SYT7: variants seen among roughly 807,000 people sequenced by gnomAD.
SYT7 encodes the protein synaptotagmin-7.
SYT7 carries 29 observed loss-of-function variants against 75.1 expected under a neutral mutation model. That is an observed-to-expected ratio of 0.39 (90% CI 0.29 to 0.53). The LOEUF (loss-of-function observed/expected upper bound fraction) is 0.53, where lower values mean the gene tolerates loss of function less well. SYT7 is among the 20% of genes least tolerant of loss of function. SYT7 has a pLI of 0.77. For missense variants in SYT7, 693 were observed against 953.2 expected, an observed-to-expected ratio of 0.73 and a Z score of 3.59; for synonymous variants, 376 against 401.7, an observed-to-expected ratio of 0.94 and a Z score of 0.76.
Position 61,517,304 on chromosome 11 carries a change from G to A in SYT7, c.*1323C>T, listed in dbSNP as rs1326728736. 1 of 398,546 alleles carries A rather than the reference G, an allele frequency of 2.5e-6. No individual in the cohort carries two copies. The highest frequency in any genetic ancestry group is 4.4e-5 in the Admixed American group (1 of 22,716). The allele number at this position is 398,546 out of a possible 1,614,324, so 24.7% of individuals were successfully genotyped here. On this transcript the variant is annotated 3_prime_UTR_variant, in exon 13 of 13. Coordinates refer to ENST00000539008, the MANE Select transcript of SYT7 (RefSeq NM_001365809.2). ...CAGTGGCCGAGGCAGAGAAACCACAGCTTCTTTGTGTGTGGCAACCTCAGA... is the reference window on the plus strand; with the variant it reads ...CAGTGGCCGAGGCAGAGAAACCACAACTTCTTTGTGTGTGGCAACCTCAGA...
At chr11:61,556,026 A>C in intron 2 of SYT7, 78 bp downstream of exon 2, 1 of 1,282,000 alleles carries the variant, frequency 7.8e-7, no homozygotes, top group Non-Finnish European at 1.1e-6. Flanking sequence ...CCAAGCCTGT[A>C]ATTGTGTGTG....
rs772356482 is a variant in SYT7, at chr11:61,546,072, C to T, written c.531G>A (p.Thr177=). The change falls in exon 5 of 13, where the codon ACG becomes ACA. Residue 177 remains threonine, a synonymous_variant. Transcript: ENST00000539008. The surrounding 1 kb of genome is among the most constrained non-coding windows in gnomAD (Gnocchi z 7.6). ...TCCCTGCGGCCAGGTGGCTCTGCAC[C>T]GTCCGCCAGCGGCCTCTCCCCGCCT... ...GGKAGRGRWR[T]VQSHLAAGKL... 51 of 1,532,670 alleles carry T rather than the reference C, an allele frequency of 3.3e-5. No individual in the cohort carries two copies. The highest frequency in any genetic ancestry group is 3.4e-4 in the Middle Eastern group (2 of 5,968). The allele number at this position is 1,532,670 out of a possible 1,614,324, so 94.9% of individuals were successfully genotyped here. A position where few individuals can be genotyped will look rare whatever the true frequency, so the allele number is the denominator to read the frequency against.
chr11:61,514,585 C>T lies in SYT7; in HGVS notation c.*4042G>A, dbSNP rs1441804962. Among the ~76,000 whole-genome samples, 5 of 152,126 alleles carry T rather than the reference C, an allele frequency of 3.3e-5. No homozygotes were observed. The highest frequency in any genetic ancestry group is 7.4e-5 in the Non-Finnish European group (5 of 68,018). ...TACCCTGAGAGCTGCGGGGGCTCAG[C>T]TTCCCCTGGGCTGGGTGGGGAAGAA... is the stretch of plus-strand genomic sequence containing the variant. On this transcript the variant is annotated 3_prime_UTR_variant, in exon 13 of 13. Transcript: ENST00000539008.
At chr11:61,521,992 C>A (rs752981476) in intron 12 of SYT7, among the ~76,000 whole-genome samples, 2 of 152,082 alleles carry the variant, frequency 1.3e-5, no homozygotes, top group Non-Finnish European at 2.9e-5. Flanking sequence ...GAGGTTACAG[C>A]GTTAAAAAGT....
chr11:61,571,367 C>G (rs1474971776), intron 1 of SYT7, among the ~76,000 whole-genome samples: 1 of 152,248 alleles, frequency 6.6e-6, no homozygotes, highest in African/African-American at 2.4e-5. Context: ...TCACATATGT[C>G]CACAAGCATC....
chr11:61,542,485 G>C lies in SYT7; in HGVS notation c.667C>G (p.Arg223Gly). 6.5e-7 allele frequency: 1 copy of C among 1,532,948 alleles called. No individual in the cohort carries two copies. Among genetic ancestry groups the C allele is most frequent in the Non-Finnish European group, 8.7e-7 (1 of 1,146,026 alleles). 95.0% of individuals were successfully genotyped at this position (1,532,948 alleles called of 1,614,324 possible). Residue 223 changes from arginine to glycine, a missense_variant, in exon 6 of 13, where the codon CGG becomes GGG. Transcript: ENST00000539008. The surrounding 1 kb of genome is among the most constrained non-coding windows in gnomAD (Gnocchi z 7.8). Reference protein sequence around the residue: ...PKCQRPRTLMRQQSLQQPLSQ... With the variant: ...PKCQRPRTLMGQQSLQQPLSQ... The stretch of plus-strand genomic sequence containing the variant: ...AGCGGCTGTTGCAGGCTCTGCTGCC[G>C]CATCAGGGTGCGGGGTCGCTGGCAT...
At position 61,546,216 on chromosome 11, in the gene SYT7, C is replaced by T. The variant is rs370202849; in HGVS notation, c.387G>A (p.Ala129=). ...GGCCTTCCCGCTCCACCGCCAGCCC[C>T]GCCGCGGCGGCCACTTTGGCGCCCG... ...LLSGAKVAAA[A]GLAVEREGRL... The change falls in exon 5 of 13, where the codon GCG becomes GCA. Residue 129 remains alanine (A), a synonymous_variant. Transcript: ENST00000539008. This position sits in a 1 kb window ranked among gnomAD's most constrained non-coding sequence, Gnocchi z 7.6. 2.3e-4 allele frequency: 341 copies of T among 1,474,330 alleles called. 3 individuals carry two copies. The East Asian group carries it at 6.2e-3, about 27-fold the overall frequency. The allele number at this position is 1,474,330 out of a possible 1,614,324, so 91.3% of individuals were successfully genotyped here.
At chr11:61,581,184 C>T (rs1467129104), upstream of SYT7, 1 of 148,472 alleles carries the variant, frequency 6.7e-6, no homozygotes, top group East Asian at 1.9e-4. Context: ...CGCCGAACGC[C>T]GCGGCCACAG....
At chr11:61,569,954 C>T (rs2063877154) in intron 1 of SYT7, among the ~76,000 whole-genome samples, 1 of 152,240 alleles carries the variant, frequency 6.6e-6, no homozygotes, top group South Asian at 2.1e-4. Context: ...GCTCAGGCCC[C>T]AGATGCTCCA....
intron 3 of SYT7, among the ~76,000 whole-genome samples, chr11:61,550,646 C>A (rs1454409527): frequency 3.3e-5 from 5 of 152,072 alleles, no homozygotes; most frequent in African/African-American, 1.2e-4. Flanking sequence ...CAGAGGCCTC[C>A]CCCCCAGCAA....
intron 5 of SYT7, among the ~76,000 whole-genome samples, chr11:61,545,686 G>A (rs1471312517): frequency 2.0e-5 from 3 of 152,222 alleles, no homozygotes; most frequent in African/African-American, 7.2e-5. Context: ...TGCCCATGGA[G>A]GGATGACCTG....
At chr11:61,534,249 C>T (rs2062797048) in intron 7 of SYT7, among the ~76,000 whole-genome samples, 1 of 152,180 alleles carries the variant, frequency 6.6e-6, no homozygotes, top group South Asian at 2.1e-4. Context: ...TGAGCCATGG[C>T]CCTCTGGTAG....
chr11:61,576,451 G>C lies in SYT7; in HGVS notation c.31+4339C>G, dbSNP rs1335082753. ...CCTGCCGGGCACTGTCTGTGGAGCA[G>C]AGGACCAGCTCTATACAGGGCTGCC... is the stretch of plus-strand genomic sequence containing the variant. On this transcript the variant is annotated intron_variant, in intron 1 of 12. Transcript: ENST00000539008. The surrounding 1 kb of genome is among the most constrained non-coding windows in gnomAD (Gnocchi z 4.1). Among the ~76,000 whole-genome samples the C allele has an allele frequency of 6.6e-6, 1 of 152,204 alleles. No individual in the cohort carries two copies. Among genetic ancestry groups the C allele is most frequent in the Non-Finnish European group, 1.5e-5 (1 of 68,030 alleles).
intron 1 of SYT7, among the ~76,000 whole-genome samples, chr11:61,563,854 C>T (rs1385547326): frequency 1.3e-5 from 2 of 152,206 alleles, no homozygotes; most frequent in Admixed American, 1.3e-4. Context: ...CAACTGGGAG[C>T]ACCTAGAGGA....
intron 3 of SYT7, 124 bp from the exon 4 acceptor site, chr11:61,547,432 G>A: frequency 8.8e-7 from 1 of 1,137,046 alleles, no homozygotes; most frequent in Non-Finnish European, 1.2e-6. Context: ...GGGGCTTCGT[G>A]GGTCAGCTCC....
intron 1 of SYT7, among the ~76,000 whole-genome samples, chr11:61,577,916 C>T (rs924720460): frequency 9.2e-5 from 14 of 152,172 alleles, no homozygotes; most frequent in African/African-American, 2.9e-4. Flanking sequence ...CCCACTGCAA[C>T]GCTGACCCCT....
intron 5 of SYT7, among the ~76,000 whole-genome samples, chr11:61,544,683 T>C (rs1201810351): frequency 6.6e-6 from 1 of 152,112 alleles, no homozygotes; most frequent in African/African-American, 2.4e-5. Context: ...GAAACTAAAA[T>C]TGGTTCCTCC....
intron 1 of SYT7, among the ~76,000 whole-genome samples, chr11:61,563,294 C>A (rs2063687573): frequency 6.6e-6 from 1 of 152,210 alleles, no homozygotes; most frequent in Admixed American, 6.5e-5. Flanking sequence ...CTGCCCCTGG[C>A]CAACTACGTT....
At chr11:61,526,683 A>G (rs1008115041) in intron 9 of SYT7, 1 of 152,228 alleles carries the variant, frequency 6.6e-6, no homozygotes, top group African/African-American at 2.4e-5. Flanking sequence ...GTTCTGCTCA[A>G]AAACTTCGCC....
Sources: allele counts gnomAD v4.1 joint callset (sites outside exome capture counted in the v4.1 genomes callset), GRCh38; gene constraint gnomAD v4.1.1; non-coding constraint Gnocchi (gnomAD v3.1); transcripts MANE v1.5; gene names NCBI Gene and HGNC (gene_info 2026-07-23, HGNC 2026-07-21).